The following SLC44A1 variants were observed in gnomAD, a reference collection of about 807,000 sequenced individuals.
SLC44A1 encodes choline transporter-like protein 1.
In SLC44A1, 26 loss-of-function variants were observed where a neutral mutation model predicts 79.3. The observed-to-expected ratio is 0.33, with a 90% confidence interval of 0.24 to 0.46. The LOEUF is 0.46. Among genes scored for constraint, SLC44A1 ranks in the 20% least tolerant of loss-of-function variants. SLC44A1 has a pLI of 1.00. For synonymous variants in SLC44A1, 263 were observed against 286.2 expected, an observed-to-expected ratio of 0.92 and a Z score of 0.82; for missense variants, 688 against 798.1, an observed-to-expected ratio of 0.86 and a Z score of 1.66.
intron 15 of SLC44A1, among the ~76,000 whole-genome samples, chr9:105,413,633 C>T (rs1409481375): frequency 6.6e-6 from 1 of 152,224 alleles, no homozygotes; most frequent in Non-Finnish European, 1.5e-5. Flanking sequence ...AAGAATGAAT[C>T]CCTTTCTTGT....
chr9:105,330,977 A>G (rs377757874), intron 3 of SLC44A1, among the ~76,000 whole-genome samples: 14 of 152,314 alleles, frequency 9.2e-5, no homozygotes, highest in African/African-American at 3.1e-4. Flanking sequence ...TGATCATGCT[A>G]TGTGCATATT....
chr9:105,393,715 A>G lies in SLC44A1; in HGVS notation c.*4659A>G. The G allele has an allele frequency of 1.0e-6, 1 of 984,860 alleles. No homozygotes were observed. The highest frequency in any genetic ancestry group is 1.2e-6 in the Non-Finnish European group (1 of 829,398). 61.0% of individuals were successfully genotyped at this position (984,860 alleles called of 1,614,324 possible). A position where few individuals can be genotyped will look rare whatever the true frequency, so the allele number is the denominator to read the frequency against. ...ATTGCATGAACAATTGCCACTTTGT[A>G]AATTATATGGACAGAATGTGTTCTA... On this transcript the variant is annotated 3_prime_UTR_variant, in exon 16 of 16. Transcript: ENST00000374720.
At chr9:105,299,933 A>G (rs1435731822) in intron 2 of SLC44A1, 12 of 985,428 alleles carry the variant, frequency 1.2e-5, no homozygotes, top group Non-Finnish European at 1.4e-5. Context: ...AGTTGCTGGT[A>G]TAAGGTATTA....
At position 105,391,898 on chromosome 9, in the gene SLC44A1, A is replaced by C. The variant is rs1164257464; in HGVS notation, c.*2842A>C. ...TCAGGACTCATATTTCTAGAGTTTTAATTGGGGTCCTCTATTGTCAATTGT... is the reference window on the plus strand; with the variant it reads ...TCAGGACTCATATTTCTAGAGTTTTCATTGGGGTCCTCTATTGTCAATTGT... On this transcript the variant is annotated 3_prime_UTR_variant, in exon 16 of 16. Coordinates refer to ENST00000374720, the MANE Select transcript of SLC44A1 (RefSeq NM_080546.5). The C allele has an allele frequency of 2.0e-6, 2 of 985,232 alleles. No individual in the cohort carries two copies. The highest frequency in any genetic ancestry group is 2.4e-6 in the Non-Finnish European group (2 of 829,904). 61.0% of individuals were successfully genotyped at this position (985,232 alleles called of 1,614,324 possible). A position where few individuals can be genotyped will look rare whatever the true frequency, so the allele number is the denominator to read the frequency against.
chr9:105,253,545 T>C (rs1829635421), intron 1 of SLC44A1, among the ~76,000 whole-genome samples: 2 of 152,112 alleles, frequency 1.3e-5, no homozygotes, highest in Non-Finnish European at 2.9e-5. Flanking sequence ...CTGGGCAATA[T>C]AGTGAGACCC....
At chr9:105,385,912 A>C in intron 15 of SLC44A1, 3 of 985,288 alleles carry the variant, frequency 3.0e-6, no homozygotes, top group Non-Finnish European at 3.6e-6. Context: ...ATTCCTTTCA[A>C]CTTGCTAAAA....
intron 2 of SLC44A1, among the ~76,000 whole-genome samples, chr9:105,304,744 G>A (rs35584395): frequency 0.22 from 32,791 of 151,820 alleles, 6,324 homozygotes; most frequent in African/African-American, 0.52. Flanking sequence ...TCATGGCAAA[G>A]TGAGGGTCAG....
intron 3 of SLC44A1, among the ~76,000 whole-genome samples, chr9:105,329,501 G>T (rs1226015106): frequency 6.6e-6 from 1 of 152,118 alleles, no homozygotes; most frequent in African/African-American, 2.4e-5. Context: ...CAATTTAATG[G>T]CAAAGGCTCA....
chr9:105,437,720 A>G (rs1243855047), intron 15 of SLC44A1, among the ~76,000 whole-genome samples: 1 of 152,182 alleles, frequency 6.6e-6, no homozygotes, highest in Non-Finnish European at 1.5e-5. Flanking sequence ...TCCTGGTCTG[A>G]TCTGACCCAC....
At chr9:105,289,017 A>G (rs1335864976) in intron 1 of SLC44A1, among the ~76,000 whole-genome samples, 1 of 152,222 alleles carries the variant, frequency 6.6e-6, no homozygotes, top group Non-Finnish European at 1.5e-5. Context: ...ATTAACAAAC[A>G]TCTTTGGGAA....
At chr9:105,259,349 A>G (rs1829788591) in intron 1 of SLC44A1, among the ~76,000 whole-genome samples, 1 of 152,198 alleles carries the variant, frequency 6.6e-6, no homozygotes, top group African/African-American at 2.4e-5. Flanking sequence ...CGAAAGGGTT[A>G]ATATAATTGA....
chr9:105,370,262 G>A (rs1391704233), intron 12 of SLC44A1, among the ~76,000 whole-genome samples: 2 of 152,230 alleles, frequency 1.3e-5, no homozygotes, highest in Non-Finnish European at 2.9e-5. Context: ...TTTGCCTGCT[G>A]TGATCTGCAG....
chr9:105,278,023 T>G (rs1830250757), intron 1 of SLC44A1, among the ~76,000 whole-genome samples: 1 of 152,084 alleles, frequency 6.6e-6, no homozygotes, highest in Non-Finnish European at 1.5e-5. Flanking sequence ...ATAGCCTTCT[T>G]AATCCATTGT....
intron 2 of SLC44A1, among the ~76,000 whole-genome samples, chr9:105,305,526 T>C (rs1831004790): frequency 6.6e-6 from 1 of 152,146 alleles, no homozygotes; most frequent in African/African-American, 2.4e-5. Context: ...AAATCAGTTA[T>C]TATGAGCTCG....
At chr9:105,379,279 A>C (rs1828388792) in intron 13 of SLC44A1, among the ~76,000 whole-genome samples, 1 of 152,216 alleles carries the variant, frequency 6.6e-6, no homozygotes. Context: ...TCAAAAAGAA[A>C]AAAAGTAAAA....
intron 3 of SLC44A1, among the ~76,000 whole-genome samples, chr9:105,329,524 C>T (rs1304932944): frequency 1.3e-5 from 2 of 152,158 alleles, no homozygotes; most frequent in Admixed American, 6.5e-5. Context: ...TCTGGATCAG[C>T]GCTGCTGTTC....
At chr9:105,398,742 T>C (rs1481681359), downstream of SLC44A1, among the ~76,000 whole-genome samples, 1 of 152,162 alleles carries the variant, frequency 6.6e-6, no homozygotes, top group Non-Finnish European at 1.5e-5. Context: ...GTTGAAGGGT[T>C]CAGAAAGAAG....
At chr9:105,308,221 T>C (rs1280985547) in intron 2 of SLC44A1, among the ~76,000 whole-genome samples, 2 of 152,196 alleles carry the variant, frequency 1.3e-5, no homozygotes, top group East Asian at 3.8e-4. Context: ...CCACCATCTT[T>C]CCCTTATAGC....
intron 1 of SLC44A1, among the ~76,000 whole-genome samples, chr9:105,254,870 C>T (rs1382034787): frequency 6.6e-6 from 1 of 152,178 alleles, no homozygotes; most frequent in African/African-American, 2.4e-5. Context: ...TCTTCTCTCT[C>T]TAGCTTACAA....
Sources: gnomAD v4.1 joint callset for allele counts (sites outside exome capture counted in the v4.1 genomes callset) on GRCh38, gnomAD v4.1.1 for gene constraint, MANE v1.5 for transcripts, NCBI Gene and HGNC (gene_info 2026-07-23, HGNC 2026-07-21) for gene names.